The following CYTH3 variants were observed in gnomAD, a reference collection of about 807,000 sequenced individuals.
The protein encoded by CYTH3 is cytohesin-3.
In CYTH3, 23 loss-of-function variants were observed where a neutral mutation model predicts 55.1. The ratio of observed to expected loss-of-function variants is 0.42; its 90% CI spans 0.30 to 0.59. The LOEUF is 0.59. Among genes scored for constraint, CYTH3 ranks in the 20% least tolerant of loss-of-function variants. CYTH3 has a pLI of 0.20. For missense variants in CYTH3, 413 were observed against 524.8 expected (o/e 0.79, Z 2.08); for synonymous variants, 249 against 194.9 (o/e 1.28, Z -2.31).
At chr7:6,205,568 C>T (rs1283131508) in intron 1 of CYTH3, among the ~76,000 whole-genome samples, 3 of 152,012 alleles carry the variant, frequency 2.0e-5, no homozygotes, top group Admixed American at 1.3e-4. Context: ...AATGAGACTC[C>T]GTCTCCAACA....
chr7:6,233,971 T>C (rs1437988551), intron 1 of CYTH3, among the ~76,000 whole-genome samples: 1 of 152,174 alleles, frequency 6.6e-6, no homozygotes, highest in African/African-American at 2.4e-5. Context: ...CTGAGGCCTC[T>C]TGTACAAGGA....
At chr7:6,207,171 T>C (rs1010798369) in intron 1 of CYTH3, among the ~76,000 whole-genome samples, 9 of 140,750 alleles carry the variant, frequency 6.4e-5, no homozygotes, top group Middle Eastern at 3.5e-3. Flanking sequence ...CTTGGCTCAC[T>C]GCAAGCTCCA....
chr7:6,223,657 CA>C (rs1779152190), intron 1 of CYTH3, among the ~76,000 whole-genome samples: 1 of 151,684 alleles, frequency 6.6e-6, no homozygotes, highest in South Asian at 2.1e-4. Flanking sequence ...GAGTCATCAC[CA>C]CTCCCTAATC....
intron 1 of CYTH3, among the ~76,000 whole-genome samples, chr7:6,242,829 C>G (rs2128555750): frequency 6.6e-6 from 1 of 152,218 alleles, no homozygotes; most frequent in Non-Finnish European, 1.5e-5. Flanking sequence ...CATACTCCTC[C>G]CAGACCCCAC....
At chr7:6,224,443 C>G (rs902941088) in intron 1 of CYTH3, among the ~76,000 whole-genome samples, 2 of 151,992 alleles carry the variant, frequency 1.3e-5, no homozygotes, top group Non-Finnish European at 2.9e-5. Context: ...CATCCGCATG[C>G]AAAAGAATGA....
intron 1 of CYTH3, among the ~76,000 whole-genome samples, chr7:6,270,391 T>C (rs573028682): frequency 1.4e-4 from 21 of 152,358 alleles, no homozygotes; most frequent in Middle Eastern, 6.8e-3. Flanking sequence ...TGATGGGCAA[T>C]CAATAAATAA....
chr7:6,223,220 C>T (rs1254581554), intron 1 of CYTH3, among the ~76,000 whole-genome samples: 2 of 151,802 alleles, frequency 1.3e-5, no homozygotes, highest in Non-Finnish European at 2.9e-5. Context: ...AGCGCCTCGG[C>T]CCGGCCGCCC....
At chr7:6,198,648 T>C (rs1285184263) in intron 1 of CYTH3, among the ~76,000 whole-genome samples, 1 of 152,038 alleles carries the variant, frequency 6.6e-6, no homozygotes, top group African/African-American at 2.4e-5. Context: ...AAGTGGTTTT[T>C]TCCTCCCAAG....
Position 6,169,856 on chromosome 7 carries a change from T to G in CYTH3, c.823+679A>C, listed in dbSNP as rs1332823190. The stretch of plus-strand genomic sequence containing the variant: ...CTAGAGACACAGGGTGGGGGGCAAG[T>G]TGGTTCCCACACAGCATCCCCATGT... On this transcript the variant is annotated intron_variant, in intron 9 of 12. Coordinates refer to ENST00000350796, the MANE Select transcript of CYTH3 (RefSeq NM_004227.4). This position sits in a 1 kb window ranked among gnomAD's most constrained non-coding sequence, Gnocchi z 4.1. Among the ~76,000 whole-genome samples, 2 of 151,966 alleles carry G rather than the reference T, an allele frequency of 1.3e-5. No individual in the cohort carries two copies. Among genetic ancestry groups the G allele is most frequent in the Non-Finnish European group, 2.9e-5 (2 of 67,984 alleles).
chr7:6,182,231 G>A (rs1783522740), intron 4 of CYTH3, among the ~76,000 whole-genome samples: 1 of 152,006 alleles, frequency 6.6e-6, no homozygotes, highest in South Asian at 2.1e-4. Context: ...TCTATTTTTA[G>A]TAGAGATGGG....
chr7:6,220,148 C>G (rs763993993), intron 1 of CYTH3, among the ~76,000 whole-genome samples: 1 of 152,072 alleles, frequency 6.6e-6, no homozygotes, highest in Non-Finnish European at 1.5e-5. Flanking sequence ...CTGCCCGCCT[C>G]GGCCTCCCAA....
intron 5 of CYTH3, among the ~76,000 whole-genome samples, chr7:6,176,865 CTCCATCATGTTGAAGAAGT>C (rs991264619): frequency 2.0e-5 from 3 of 152,156 alleles, no homozygotes; most frequent in African/African-American, 7.2e-5. Context: ...TATAGGTACC[CTCCATCATGTTGAAGAAGT>C]TCCATGCCTG....
At chr7:6,201,638 C>G (rs941998008) in intron 1 of CYTH3, among the ~76,000 whole-genome samples, 2 of 152,046 alleles carry the variant, frequency 1.3e-5, no homozygotes, top group Non-Finnish European at 2.9e-5. Context: ...CTTAAAAAAA[C>G]CTGACTGTGT....
chr7:6,174,776 T>C (rs1208501020), intron 5 of CYTH3, among the ~76,000 whole-genome samples: 1 of 151,244 alleles, frequency 6.6e-6, no homozygotes, highest in Non-Finnish European at 1.5e-5. Flanking sequence ...CTAGATCTCC[T>C]AACCTCGTGA....
intron 1 of CYTH3, among the ~76,000 whole-genome samples, chr7:6,225,110 G>C (rs372399243): frequency 5.3e-5 from 8 of 152,268 alleles, no homozygotes; most frequent in African/African-American, 1.9e-4. Flanking sequence ...ATTAGATCAG[G>C]TGATGGCTGT....
chr7:6,233,931 C>G (rs189776930), intron 1 of CYTH3, among the ~76,000 whole-genome samples: 2 of 152,194 alleles, frequency 1.3e-5, no homozygotes, highest in Admixed American at 1.3e-4. Context: ...TCTCTGTGTC[C>G]TCACTTGGTG....
chr7:6,192,425 T>C (rs1425583767), intron 1 of CYTH3, among the ~76,000 whole-genome samples: 1 of 151,870 alleles, frequency 6.6e-6, no homozygotes, highest in Non-Finnish European at 1.5e-5. Context: ...CTTGCTATGT[T>C]GCCCAGGCTG....
At chr7:6,192,545 T>TC (rs1783824369) in intron 1 of CYTH3, among the ~76,000 whole-genome samples, 1 of 148,374 alleles carries the variant, frequency 6.7e-6, no homozygotes, top group Non-Finnish European at 1.5e-5. Context: ...TTTTTTTTTT[T>TC]TTTTTGAGAC....
In CYTH3 at chr7:6,187,668, G is replaced by T; in HGVS notation, c.171C>A (p.Ser57=). The part of the protein sequence containing the change: ...EVMTEIDNLT[S]VEESKTTQRN... ...CCACAAATTGTTACCTCTCCTCTAC[G>T]GAAGTTAGATTGTCGATCTCTGTCA... is the stretch of plus-strand genomic sequence containing the variant. The change falls in exon 3 of 13, where the codon TCC becomes TCA. Residue 57 remains serine (S), a synonymous_variant. Transcript: ENST00000350796. The T allele has an allele frequency of 1.2e-6, 2 of 1,613,558 alleles. No homozygotes were observed. Among genetic ancestry groups the T allele is most frequent in the Admixed American group, 1.7e-5 (1 of 60,004 alleles).
Sources: allele counts gnomAD v4.1 joint callset (sites outside exome capture counted in the v4.1 genomes callset), GRCh38; gene constraint gnomAD v4.1.1; non-coding constraint Gnocchi (gnomAD v3.1); transcripts MANE v1.5; gene names NCBI Gene and HGNC (gene_info 2026-07-23, HGNC 2026-07-21).